PRKG1: variants seen among roughly 807,000 people sequenced by gnomAD.
PRKG1 encodes protein kinase cGMP-dependent 1.
PRKG1 carries 35 observed loss-of-function variants against 88.1 expected under a neutral mutation model. The observed-to-expected ratio is 0.40, with a 90% CI of 0.30 to 0.53. The LOEUF (loss-of-function observed/expected upper bound fraction) is 0.53, where lower values mean the gene tolerates loss of function less well. Among genes scored for constraint, PRKG1 ranks in the 20% least tolerant of loss-of-function variants. The pLI is 0.59. For synonymous variants in PRKG1, 303 were observed against 292.5 expected (o/e 1.04, Z -0.37); for missense variants, 540 against 839.8 (o/e 0.64, Z 4.41).
chr10:51,495,307 CTGGTCTTAGACGCCTGACCTCAAG>C (rs1840821107), intron 3 of PRKG1, among the ~76,000 whole-genome samples: 1 of 152,128 alleles, frequency 6.6e-6, no homozygotes, highest in African/African-American at 2.4e-5. Flanking sequence ...GTTGGTCAGG[CTGGTCTTAGACGCCTGACCTCAAG>C]TGGTCTGCCC....
chr10:51,455,213 C>T (rs1839550295), intron 2 of PRKG1, among the ~76,000 whole-genome samples: 1 of 152,226 alleles, frequency 6.6e-6, no homozygotes, highest in Non-Finnish European at 1.5e-5. Context: ...AGCTGAGATG[C>T]AGGGCACCAA....
chr10:51,515,397 G>A (rs10997888), intron 3 of PRKG1, among the ~76,000 whole-genome samples: 1 of 152,288 alleles, frequency 6.6e-6, no homozygotes, highest in East Asian at 1.9e-4. Context: ...ATGACAAGTT[G>A]CAGCATGGAT....
At position 51,366,254 on chromosome 10, in the gene PRKG1, A is replaced by G. The variant is rs192781852; in HGVS notation, c.479-101469A>G. ...ACTGGAAACCTGGCAGTGCTTTTGGAAATTCTTTGTCTTTCAGTTTTTCCT... is the reference window on the plus strand; with the variant it reads ...ACTGGAAACCTGGCAGTGCTTTTGGGAATTCTTTGTCTTTCAGTTTTTCCT... On this transcript the variant is annotated intron_variant, in intron 2 of 17. Transcript: ENST00000373980. 2.7e-3 allele frequency among the ~76,000 whole-genome samples: 403 copies of G among 151,994 alleles called. 3 individuals are homozygous for G. Among genetic ancestry groups the G allele is most frequent in the African/African-American group, 9.1e-3 (376 of 41,510 alleles).
At chr10:52,239,730 G>A (rs1386014832) in intron 9 of PRKG1, among the ~76,000 whole-genome samples, 1 of 151,976 alleles carries the variant, frequency 6.6e-6, no homozygotes, top group African/African-American at 2.4e-5. Context: ...ATTTGAACTG[G>A]CATATGGCTA....
chr10:51,815,972 G>A (rs573636108), intron 4 of PRKG1, among the ~76,000 whole-genome samples: 1 of 152,326 alleles, frequency 6.6e-6, no homozygotes, highest in East Asian at 1.9e-4. Context: ...TTTCAAGGCA[G>A]TGAGGGAGAG....
chr10:51,096,641 G>A (rs1025868356), intron 1 of PRKG1, among the ~76,000 whole-genome samples: 1 of 152,040 alleles, frequency 6.6e-6, no homozygotes, highest in Non-Finnish European at 1.5e-5. Context: ...GTTACTTTAG[G>A]TAAGTTGTTT....
chr10:51,640,642 C>CA (rs1839776028), intron 3 of PRKG1, among the ~76,000 whole-genome samples: 1 of 152,090 alleles, frequency 6.6e-6, no homozygotes, highest in Non-Finnish European at 1.5e-5. Flanking sequence ...CATCTGACTA[C>CA]ATTTTTAGGG....
intron 2 of PRKG1, among the ~76,000 whole-genome samples, chr10:51,366,547 C>A (rs1842593779): frequency 6.6e-6 from 1 of 151,874 alleles, no homozygotes; most frequent in Non-Finnish European, 1.5e-5. Flanking sequence ...TGATAACATA[C>A]CTATCTGTAA....
chr10:51,450,398 C>T (rs1163348175), intron 2 of PRKG1, among the ~76,000 whole-genome samples: 2 of 151,868 alleles, frequency 1.3e-5, no homozygotes, highest in Non-Finnish European at 2.9e-5. Context: ...TTCCCCTGTT[C>T]CTCCTATGAC....
intron 2 of PRKG1, among the ~76,000 whole-genome samples, chr10:51,417,245 A>G (rs1053308769): frequency 6.6e-6 from 1 of 152,198 alleles, no homozygotes; most frequent in African/African-American, 2.4e-5. Flanking sequence ...ATGGTCCTAC[A>G]TGACATTTAT....
chr10:51,439,528 T>A (rs940198647), intron 2 of PRKG1, among the ~76,000 whole-genome samples: 2 of 151,862 alleles, frequency 1.3e-5, no homozygotes, highest in Admixed American at 6.6e-5. Context: ...GAAAACTCCT[T>A]TCCCACCTAA....
intron 5 of PRKG1, among the ~76,000 whole-genome samples, chr10:52,048,457 A>AATAACTATG (rs1233219723): frequency 1.3e-5 from 2 of 152,174 alleles, no homozygotes; most frequent in Non-Finnish European, 2.9e-5. Context: ...ATTTGATATC[A>AATAACTATG]ATAACTATGA....
chr10:52,098,512 A>G (rs1422810714), intron 7 of PRKG1, among the ~76,000 whole-genome samples: 1 of 152,202 alleles, frequency 6.6e-6, no homozygotes, highest in Non-Finnish European at 1.5e-5. Flanking sequence ...AAAGCAGGAA[A>G]GACAGATGTG....
At chr10:52,253,260 G>GT (rs1841225667) in intron 10 of PRKG1, 4 of 151,902 alleles carry the variant, frequency 2.6e-5, no homozygotes, top group Non-Finnish European at 5.9e-5. Context: ...ACAACTTTGT[G>GT]AACTCTTAGA....
chr10:51,887,472 A>AT (rs77966285), intron 4 of PRKG1, among the ~76,000 whole-genome samples: 63,208 of 151,972 alleles, frequency 0.42, 13,483 homozygotes, highest in East Asian at 0.62. Flanking sequence ...TCTATTTTAA[A>AT]TTTTTTGAGG....
intron 3 of PRKG1, among the ~76,000 whole-genome samples, chr10:51,612,933 A>G (rs767136499): frequency 3.3e-5 from 5 of 151,810 alleles, no homozygotes; most frequent in African/African-American, 4.8e-5. Context: ...ATTGATTTGT[A>G]TATGTTGAGC....
intron 7 of PRKG1, among the ~76,000 whole-genome samples, chr10:52,096,770 G>A (rs1267422012): frequency 6.6e-6 from 1 of 152,014 alleles, no homozygotes; most frequent in African/African-American, 2.4e-5. Flanking sequence ...TTAAAATTGA[G>A]TCATTTTACT....
chr10:51,534,451 G>C (rs1319558477), intron 3 of PRKG1, among the ~76,000 whole-genome samples: 1 of 152,050 alleles, frequency 6.6e-6, no homozygotes, highest in African/African-American at 2.4e-5. Context: ...GGCGGATCAT[G>C]AGGTCAGGAG....
intron 3 of PRKG1, among the ~76,000 whole-genome samples, chr10:51,500,296 A>G (rs1840985453): frequency 6.6e-6 from 1 of 152,158 alleles, no homozygotes; most frequent in Non-Finnish European, 1.5e-5. Flanking sequence ...CAGTTTAACA[A>G]TACTTCCAAT....
Sources: allele counts gnomAD v4.1 joint callset (sites outside exome capture counted in the v4.1 genomes callset), GRCh38; gene constraint gnomAD v4.1.1; transcripts MANE v1.5; gene names NCBI Gene and HGNC (gene_info 2026-07-23, HGNC 2026-07-21).